The following LHCGR variants were observed in gnomAD, a reference collection of about 807,000 sequenced individuals.
LHCGR encodes the protein luteinizing hormone/choriogonadotropin receptor, also known as lutropin-choriogonadotropic hormone receptor.
LHCGR carries 55 observed loss-of-function variants against 60.7 expected under a neutral mutation model. The ratio of observed to expected loss-of-function variants is 0.91; its 90% CI spans 0.73 to 1.13. The LOEUF is 1.13. LHCGR is among the 50% of genes most tolerant of loss of function. The probability of loss-of-function intolerance (pLI) is 0.00; values close to 1 mark genes in which losing one functional copy is unlikely to be tolerated. For synonymous variants in LHCGR, 337 were observed against 316.5 expected, an observed-to-expected ratio of 1.06 and a Z score of -0.69; for missense variants, 862 against 836.0, an observed-to-expected ratio of 1.03 and a Z score of -0.38.
chr2:48,698,639 G>A lies in LHCGR; in HGVS notation c.842C>T (p.Ala281Val). 1 of 1,614,102 alleles carries A rather than the reference G, an allele frequency of 6.2e-7. No homozygotes were observed. Among genetic ancestry groups the A allele is most frequent in the Non-Finnish European group, 8.5e-7 (1 of 1,179,988 alleles). Residue 281 changes from alanine to valine, a missense_variant, in exon 9 of 11, where the codon GCT becomes GTT. Ala to Val is a moderately conservative substitution (Grantham distance 64). Coordinates refer to ENST00000294954, the MANE Select transcript of LHCGR (RefSeq NM_000233.4). ...ATLTYPSHCC[A>V]FRNLPTKEQN... is the part of the protein sequence containing the mutation. ...CTCTTTTGTTGGCAAGTTTCTAAAA[G>A]CACAGCAGTGGCTGGGGTAAGTCAA...
intron 6 of LHCGR, among the ~76,000 whole-genome samples, chr2:48,715,722 C>A (rs904869203): frequency 6.6e-6 from 1 of 152,070 alleles, no homozygotes; most frequent in Non-Finnish European, 1.5e-5. Context: ...TTCCACCAAC[C>A]CACAACACAG....
At chr2:48,721,435 G>C (rs537343040) in intron 6 of LHCGR, 1 of 255,000 alleles carries the variant, frequency 3.9e-6, no homozygotes, top group South Asian at 4.7e-5. Flanking sequence ...CCTGGTGTTT[G>C]AGAGTTGCAA....
At chr2:48,723,301 T>G (rs971506105) in intron 6 of LHCGR, among the ~76,000 whole-genome samples, 155 bp downstream of exon 6, 1 of 152,222 alleles carries the variant, frequency 6.6e-6, no homozygotes, top group Non-Finnish European at 1.5e-5. Flanking sequence ...AGCTGTGATC[T>G]TACACAACTC....
At chr2:48,698,519 G>T in intron 9 of LHCGR, 96 bp downstream of exon 9, 3 of 935,036 alleles carry the variant, frequency 3.2e-6, no homozygotes, top group Non-Finnish European at 5.2e-6. Context: ...AGAAGGTAGG[G>T]AGTGAAGGGG....
intron 10 of LHCGR, among the ~76,000 whole-genome samples, chr2:48,691,269 A>T (rs909518495): frequency 6.6e-6 from 1 of 152,176 alleles, no homozygotes; most frequent in Admixed American, 6.5e-5. Context: ...GGAGATAATA[A>T]ATTGGAAGAA....
chr2:48,698,230 T>C (rs1160907354), intron 9 of LHCGR, among the ~76,000 whole-genome samples: 2 of 152,230 alleles, frequency 1.3e-5, no homozygotes, highest in Non-Finnish European at 1.5e-5. Flanking sequence ...ATCAAAGATT[T>C]AAACATTAGG....
intron 1 of LHCGR, among the ~76,000 whole-genome samples, chr2:48,732,099 T>C (rs1669017623): frequency 6.6e-6 from 1 of 152,108 alleles, no homozygotes; most frequent in African/African-American, 2.4e-5. Flanking sequence ...CACTCAGAAA[T>C]GCAAAACCAG....
chr2:48,691,313 A>T (rs1254967684), intron 10 of LHCGR, among the ~76,000 whole-genome samples: 1 of 152,198 alleles, frequency 6.6e-6, no homozygotes, highest in Non-Finnish European at 1.5e-5. Flanking sequence ...CAGATTTTTA[A>T]AAAGAAAATA....
At chr2:48,700,703 T>C (rs1667364715) in intron 8 of LHCGR, among the ~76,000 whole-genome samples, 1 of 151,990 alleles carries the variant, frequency 6.6e-6, no homozygotes, top group Non-Finnish European at 1.5e-5. Context: ...AGATTCGGAG[T>C]CTGGTATGCT....
At chr2:48,694,128 C>T (rs1397279555) in intron 10 of LHCGR, 96 bp downstream of exon 10, 1 of 849,436 alleles carries the variant, frequency 1.2e-6, no homozygotes, top group Non-Finnish European at 2.0e-6. Context: ...AGCTCCGTAA[C>T]CAAGACTTGT....
chr2:48,710,585 C>T (rs926097047), intron 7 of LHCGR, among the ~76,000 whole-genome samples: 9 of 152,174 alleles, frequency 5.9e-5, no homozygotes, highest in East Asian at 1.9e-4. Flanking sequence ...TGTGACCTTG[C>T]GGTGTGAGAA....
intron 1 of LHCGR, among the ~76,000 whole-genome samples, chr2:48,740,657 A>G (rs1230883923): frequency 2.6e-5 from 4 of 151,994 alleles, no homozygotes; most frequent in African/African-American, 9.7e-5. Context: ...AAAACTAACA[A>G]ACAGAAAGGA....
At chr2:48,735,664 A>T (rs1363095871) in intron 1 of LHCGR, among the ~76,000 whole-genome samples, 2 of 152,166 alleles carry the variant, frequency 1.3e-5, no homozygotes, top group Non-Finnish European at 2.9e-5. Flanking sequence ...AGGACTACCC[A>T]GTGGAGTTGG....
chr2:48,709,597 A>G (rs889191211), intron 7 of LHCGR, among the ~76,000 whole-genome samples: 1 of 152,216 alleles, frequency 6.6e-6, no homozygotes. Context: ...AAATTGCCCC[A>G]TGGGGCTGTG....
intron 3 of LHCGR, 31 bp from the exon 4 acceptor site, chr2:48,725,781 T>A (rs1050202988): frequency 6.7e-7 from 1 of 1,499,078 alleles, no homozygotes; most frequent in African/African-American, 1.4e-5. Context: ...AAAAAGCTGC[T>A]GTTTAATAGA....
chr2:48,699,039 T>C (rs886655489), intron 8 of LHCGR, among the ~76,000 whole-genome samples: 1 of 152,042 alleles, frequency 6.6e-6, no homozygotes, highest in Non-Finnish European at 1.5e-5. Context: ...TTAGCCAGGA[T>C]GGTGTCGATC....
Position 48,707,069 on chromosome 2 carries a change from G to A in LHCGR, c.680+1879C>T, listed in dbSNP as rs148089837. On this transcript the variant is annotated intron_variant, in intron 8 of 10. Coordinates refer to ENST00000294954, the MANE Select transcript of LHCGR (RefSeq NM_000233.4). The stretch of plus-strand genomic sequence containing the variant: ...CATTGGTGTTGGTGAGCTACAGATG[G>A]GGTTTTGGTATGGATGCCCTTTTTG... 1.9e-3 allele frequency among the ~76,000 whole-genome samples: 283 copies of A among 152,268 alleles called. 1 individual carries two copies. Among genetic ancestry groups the A allele is most frequent in the African/African-American group, 6.4e-3 (264 of 41,560 alleles).
intron 8 of LHCGR, among the ~76,000 whole-genome samples, chr2:48,700,236 A>C (rs558941379): frequency 6.6e-5 from 10 of 152,152 alleles, no homozygotes; most frequent in Admixed American, 3.3e-4. Context: ...TTGTCTTTTG[A>C]GTGGGTACAT....
At chr2:48,754,815 C>T (rs1255241180) in intron 1 of LHCGR, among the ~76,000 whole-genome samples, 2 of 152,138 alleles carry the variant, frequency 1.3e-5, no homozygotes, top group African/African-American at 2.4e-5. Flanking sequence ...CTCCTCTTTA[C>T]CCCATTACTC....
Sources: allele counts gnomAD v4.1 joint callset (sites outside exome capture counted in the v4.1 genomes callset), GRCh38; gene constraint gnomAD v4.1.1; transcripts MANE v1.5; gene names NCBI Gene and HGNC (gene_info 2026-07-23, HGNC 2026-07-21).